Variants in SPATA22 observed in about 807,000 individuals in gnomAD.
SPATA22 encodes spermatogenesis associated 22.
In SPATA22, 29 loss-of-function variants were observed where a neutral mutation model predicts 47.8. The ratio of observed to expected loss-of-function variants is 0.61; its 90% CI spans 0.45 to 0.83. The LOEUF is 0.83. Among genes scored for constraint, SPATA22 ranks in the 40% least tolerant of loss-of-function variants. SPATA22 has a pLI of 0.00. For synonymous variants in SPATA22, 133 were observed against 140.9 expected (o/e 0.94, Z 0.40); for missense variants, 410 against 421.7 (o/e 0.97, Z 0.24).
chr17:3,464,842 A>T (rs2073245181), intron 3 of SPATA22, among the ~76,000 whole-genome samples: 1 of 107,496 alleles, frequency 9.3e-6, no homozygotes, highest in South Asian at 3.1e-4. Context: ...CCGTCTGGGA[A>T]GTGAGGAGCG....
At position 3,440,214 on chromosome 17, in the gene SPATA22, A is replaced by G. The variant is rs761767600; in HGVS notation, c.1025T>C (p.Phe342Ser). The G allele has an allele frequency of 5.0e-6, 8 of 1,610,706 alleles. No homozygotes were observed. Among genetic ancestry groups the G allele is most frequent in the Non-Finnish European group, 6.8e-6 (8 of 1,178,614 alleles). Residue 342 changes from phenylalanine to serine, a missense_variant, in exon 9 of 9, where the codon TTC becomes TCC. Coordinates refer to ENST00000572969, the MANE Select transcript of SPATA22 (RefSeq NM_001170698.2). ...RPASVSEQKT[F>S]QAFVKIADVE... ...ATCTGCAATTTTGACAAATGCCTGG[A>G]AAGTTTTTTGTTCAGAAACAGACGC... is the stretch of plus-strand genomic sequence containing the variant.
intron 1 of SPATA22, among the ~76,000 whole-genome samples, chr17:3,484,754 C>T (rs190839869): frequency 4.6e-5 from 7 of 152,300 alleles, no homozygotes; most frequent in African/African-American, 7.2e-5. Context: ...GTACATATCT[C>T]GCCTGGGACC....
intron 5 of SPATA22, among the ~76,000 whole-genome samples, chr17:3,457,286 A>G (rs1026952245): frequency 2.0e-5 from 3 of 152,012 alleles, no homozygotes; most frequent in African/African-American, 7.2e-5. Flanking sequence ...ACATGATTGT[A>G]TATCTAGAAA....
At chr17:3,448,557 TA>T (rs1345643337) in intron 6 of SPATA22, among the ~76,000 whole-genome samples, 1 of 152,126 alleles carries the variant, frequency 6.6e-6, no homozygotes, top group Non-Finnish European at 1.5e-5. Context: ...AAAATGAGTG[TA>T]AAGTGAAAGT....
At chr17:3,473,624 G>C (rs771022334), upstream of SPATA22, among the ~76,000 whole-genome samples, 1 of 152,106 alleles carries the variant, frequency 6.6e-6, no homozygotes, top group Non-Finnish European at 1.5e-5. Flanking sequence ...TCAGCCTCCT[G>C]AGTAACTAGG....
chr17:3,477,946 G>C (rs1218611802), intron 1 of SPATA22, among the ~76,000 whole-genome samples: 5 of 151,716 alleles, frequency 3.3e-5, no homozygotes, highest in Non-Finnish European at 5.9e-5. Flanking sequence ...ACTTTGGGAG[G>C]CTGAGGCAGG....
intron 5 of SPATA22, among the ~76,000 whole-genome samples, chr17:3,455,017 T>C (rs957941057): frequency 7.0e-4 from 107 of 152,148 alleles, no homozygotes; most frequent in African/African-American, 2.1e-3. Context: ...TGGTATCTCA[T>C]TGTGGTTTTG....
intron 3 of SPATA22, among the ~76,000 whole-genome samples, chr17:3,463,990 C>G (rs2150725631): frequency 7.2e-6 from 1 of 138,826 alleles, no homozygotes; most frequent in South Asian, 2.4e-4. Flanking sequence ...TCCCCACGGT[C>G]TCCCTCTCCC....
intron 7 of SPATA22, among the ~76,000 whole-genome samples, chr17:3,445,505 C>T (rs912500797): frequency 2.0e-5 from 3 of 152,082 alleles, no homozygotes; most frequent in Non-Finnish European, 2.9e-5. Flanking sequence ...CACTGTGATA[C>T]CCTGAGTATA....
At chr17:3,507,527 T>C (rs951509636) in intron 1 of SPATA22, among the ~76,000 whole-genome samples, 2 of 152,212 alleles carry the variant, frequency 1.3e-5, no homozygotes, top group Non-Finnish European at 1.5e-5. Flanking sequence ...TGCAGAACTT[T>C]GCTGTTACTG....
Position 3,471,496 on chromosome 17 carries a change from A to C in SPATA22, c.-74+186T>G. 3 of 985,340 alleles carry C rather than the reference A, an allele frequency of 3.0e-6. No homozygotes were observed. The South Asian group carries it at 1.4e-4, about 46-fold the overall frequency. 61.0% of individuals were successfully genotyped at this position (985,340 alleles called of 1,614,324 possible). On this transcript the variant is annotated intron_variant, in intron 1 of 8. Transcript: ENST00000572969. ...AATGGGGTTGGTGGCATTGGTGTGCAAAAAGTGTGCTCAATCTGCACGCAC... is the reference window on the plus strand; with the variant it reads ...AATGGGGTTGGTGGCATTGGTGTGCCAAAAGTGTGCTCAATCTGCACGCAC...
intron 1 of SPATA22, chr17:3,494,529 C>A: frequency 7.8e-7 from 1 of 1,290,224 alleles, no homozygotes. Flanking sequence ...GTTTATAGCT[C>A]ATACAGCACT....
chr17:3,476,036 G>A (rs1293647415), upstream of SPATA22: 1 of 877,352 alleles, frequency 1.1e-6, no homozygotes, highest in African/African-American at 1.7e-5. Context: ...TCCACTCAAG[G>A]GAATTCTGTA....
rs573667170 is a variant in SPATA22, at chr17:3,460,622, C to G, written c.329+1861G>C. Among the ~76,000 whole-genome samples the G allele has an allele frequency of 1.2e-4, 18 of 151,732 alleles. 1 individual carries two copies. The South Asian group carries it at 3.8e-3, about 32-fold the overall frequency. ...TGGGCAACACAGCAAGGCCTCATCT[C>G]TACTAAAAATGTAAAAATAAGCCAG... On this transcript the variant is annotated intron_variant, in intron 5 of 8. Coordinates refer to ENST00000572969, the MANE Select transcript of SPATA22 (RefSeq NM_001170698.2).
Position 3,446,591 on chromosome 17 carries a change from A to G in SPATA22, c.683T>C (p.Leu228Ser). The G allele has an allele frequency of 6.4e-7, 1 of 1,556,668 alleles. No homozygotes were observed. The highest frequency in any genetic ancestry group is 8.7e-7 in the Non-Finnish European group (1 of 1,148,910). ...TTTTTCCTTAAACTGTAACTGATACAATGAGGTTTCCTTTTGAAAAAATAA... is the reference window on the plus strand; with the variant it reads ...TTTTTCCTTAAACTGTAACTGATACGATGAGGTTTCCTTTTGAAAAAATAA... ...PEDNTLKETS[L>S]YQLQFKEKAS... The change falls in exon 7 of 9, where the codon TTG becomes TCG. Residue 228 changes from leucine to serine, a missense_variant. Coordinates refer to ENST00000572969, the MANE Select transcript of SPATA22 (RefSeq NM_001170698.2).
At position 3,464,468 on chromosome 17, in the gene SPATA22, G is replaced by T. The variant is rs866407021; in HGVS notation, c.173-1701C>A. On this transcript the variant is annotated intron_variant, in intron 3 of 8. Coordinates refer to ENST00000572969, the MANE Select transcript of SPATA22 (RefSeq NM_001170698.2). ...CGTCTGGGATGTGAGGAGCCCCTCT[G>T]CCTGGCTGCCCAGTCTGGAAAGTGA... is the stretch of plus-strand genomic sequence containing the variant. Among the ~76,000 whole-genome samples, 675 of 139,244 alleles carry T rather than the reference G, an allele frequency of 4.8e-3. 9 individuals are homozygous for T. The highest frequency in any genetic ancestry group is 0.017 in the African/African-American group (638 of 38,540). The allele number at this position is 139,244 out of a possible 152,430, so 91.3% of individuals were successfully genotyped here. A position where few individuals can be genotyped will look rare whatever the true frequency, so the allele number is the denominator to read the frequency against.
chr17:3,461,636 A>T (rs1437628514), intron 5 of SPATA22, among the ~76,000 whole-genome samples: 3 of 152,188 alleles, frequency 2.0e-5, no homozygotes, highest in Non-Finnish European at 2.9e-5. Flanking sequence ...ATCAAAACTA[A>T]TTTTTAAATA....
intron 5 of SPATA22, among the ~76,000 whole-genome samples, chr17:3,452,112 A>G (rs1194479136): frequency 1.3e-5 from 2 of 151,866 alleles, no homozygotes; most frequent in East Asian, 3.9e-4. Context: ...GGGAAAGCAA[A>G]AGCAGTACTA....
At chr17:3,466,842 C>T (rs2073325610) in intron 3 of SPATA22, among the ~76,000 whole-genome samples, 1 of 152,138 alleles carries the variant, frequency 6.6e-6, no homozygotes, top group African/African-American at 2.4e-5. Context: ...ACTTAATTAC[C>T]TCCTGAAGGC....
Sources: allele counts gnomAD v4.1 joint callset (sites outside exome capture counted in the v4.1 genomes callset), GRCh38; gene constraint gnomAD v4.1.1; transcripts MANE v1.5; gene names NCBI Gene and HGNC (gene_info 2026-07-23, HGNC 2026-07-21).